Variants in UTP25 observed in about 807,000 individuals in gnomAD.
UTP25 encodes the protein U3 small nucleolar RNA-associated protein 25 homolog.
Under a neutral mutation model 78.9 loss-of-function variants are expected in UTP25, and 50 were observed. The observed-to-expected ratio is 0.63, with a 90% confidence interval of 0.50 to 0.80. The LOEUF (loss-of-function observed/expected upper bound fraction) is 0.80, where lower values mean the gene tolerates loss of function less well. Among genes scored for constraint, UTP25 ranks in the 30% least tolerant of loss-of-function variants. UTP25 has a pLI of 0.00. For missense variants in UTP25, 846 were observed against 911.3 expected (o/e 0.93, Z 0.92); for synonymous variants, 329 against 336.5 (o/e 0.98, Z 0.24).
chr1:209,849,659 C>T (rs1357905649), intron 11 of UTP25, among the ~76,000 whole-genome samples: 1 of 152,164 alleles, frequency 6.6e-6, no homozygotes, highest in South Asian at 2.1e-4. Context: ...TTCTCCAGGG[C>T]TCCCAGTGCA....
chr1:209,846,101 C>T (rs1484077059), intron 11 of UTP25, among the ~76,000 whole-genome samples: 2 of 152,088 alleles, frequency 1.3e-5, no homozygotes, highest in African/African-American at 4.8e-5. Flanking sequence ...GTGATCTGCG[C>T]ACTTCAGCCT....
intron 8 of UTP25, among the ~76,000 whole-genome samples, 199 bp downstream of exon 8, chr1:209,841,254 T>C (rs2078165665): frequency 6.6e-6 from 1 of 152,228 alleles, no homozygotes; most frequent in Admixed American, 6.5e-5. Flanking sequence ...AATTAAACTG[T>C]CTACAGATTA....
Position 209,829,064 on chromosome 1 carries a change from G to A in UTP25, c.107+894G>A, listed in dbSNP as rs372313267. Among the ~76,000 whole-genome samples, 120 of 152,226 alleles carry A rather than the reference G, an allele frequency of 7.9e-4. 3 individuals are homozygous for A. The South Asian group carries it at 0.024, about 30-fold the overall frequency. Reference sequence around the variant, plus strand: ...GCTGGAATTACAGGCGTGAACCACCGCGCTTGGCCTGTTTTTATAATTATT... The same window carrying A: ...GCTGGAATTACAGGCGTGAACCACCACGCTTGGCCTGTTTTTATAATTATT... On this transcript the variant is annotated intron_variant, in intron 1 of 11. Coordinates refer to ENST00000491415, the MANE Select transcript of UTP25 (RefSeq NM_014388.7).
chr1:209,837,427 C>G (rs1332262530), intron 6 of UTP25, among the ~76,000 whole-genome samples: 2 of 152,126 alleles, frequency 1.3e-5, no homozygotes, highest in Non-Finnish European at 1.5e-5. Flanking sequence ...TGGAAACTTG[C>G]GAGAAGGAGG....
chr1:209,841,431 T>C (rs2078166558), intron 8 of UTP25, among the ~76,000 whole-genome samples: 1 of 152,220 alleles, frequency 6.6e-6, no homozygotes, highest in Non-Finnish European at 1.5e-5. Flanking sequence ...TGGTTTTTGC[T>C]TATGCTGTTT....
rs773290046 is a variant in UTP25 at position 209,833,350 on chromosome 1, C to A, written c.554C>A (p.Ala185Asp). 4.5e-6 allele frequency: 7 copies of A among 1,571,120 alleles called. No individual in the cohort carries two copies. The highest frequency in any genetic ancestry group is 3.4e-4 in the Middle Eastern group (2 of 5,864). ...AGTGGAGACAACTCTTCTTTGAAAG[C>A]CTCTCAAGGTCATAGCACAGTGTGT... ...EESGDNSSLK[A>D]SQDPFLQHVN... The change falls in exon 4 of 12, where the codon GCC becomes GAC. Residue 185 changes from alanine (A) to aspartate (D), a missense_variant. By Grantham distance (126) the Ala-to-Asp change is moderately radical. Transcript: ENST00000491415.
intron 9 of UTP25, 39 bp from the exon 10 acceptor site, chr1:209,842,544 G>A (rs1271210149): frequency 2.5e-6 from 4 of 1,611,044 alleles, no homozygotes; most frequent in Admixed American, 3.3e-5. Flanking sequence ...TCAAGAAGGG[G>A]ATGGCTGTCC....
rs372023829 is a variant in UTP25 at position 209,851,586 on chromosome 1, T to C, written c.*139T>C. 1.7e-6 allele frequency: 2 copies of C among 1,149,020 alleles called. No individual in the cohort carries two copies. The highest frequency in any genetic ancestry group is 2.7e-5 in the East Asian group (1 of 37,176). The allele number at this position is 1,149,020 out of a possible 1,614,324, so 71.2% of individuals were successfully genotyped here. On this transcript the variant is annotated 3_prime_UTR_variant, in exon 12 of 12. Coordinates refer to ENST00000491415, the MANE Select transcript of UTP25 (RefSeq NM_014388.7). ...GAGGCAATGTCAGTATTATCTGACA[T>C]CTTTCTTTTCAGGTCATGTGTCCCT...
At chr1:209,834,845 G>A (rs897163559) in intron 4 of UTP25, among the ~76,000 whole-genome samples, 2 of 152,168 alleles carry the variant, frequency 1.3e-5, no homozygotes, top group African/African-American at 4.8e-5. Context: ...TCCAGGCTGA[G>A]AAGTTTCTTC....
rs1391847012 is a variant in UTP25 at position 209,851,751 on chromosome 1, T to A, written c.*304T>A. ...TGAGACATAAATTCTTTTATTACGA[T>A]TTACCTCTAATTTATTACACTTAGT... On this transcript the variant is annotated 3_prime_UTR_variant, in exon 12 of 12. Transcript: ENST00000491415. 3 of 233,280 alleles carry A rather than the reference T, an allele frequency of 1.3e-5. No homozygotes were observed. The Admixed American group carries it at 1.5e-4, about 12-fold the overall frequency. The allele number at this position is 233,280 out of a possible 1,614,324, so 14.5% of individuals were successfully genotyped here.
chr1:209,841,590 T>C (rs991525563), intron 8 of UTP25, among the ~76,000 whole-genome samples: 1 of 152,200 alleles, frequency 6.6e-6, no homozygotes, highest in Non-Finnish European at 1.5e-5. Flanking sequence ...TGCAGTGTTA[T>C]CAGTTTTAGG....
rs761960695 is a variant in UTP25, at chr1:209,839,074, C to G, written c.1228C>G (p.Pro410Ala). 1.9e-6 allele frequency: 3 copies of G among 1,613,966 alleles called. No individual in the cohort carries two copies. The highest frequency in any genetic ancestry group is 2.5e-6 in the Non-Finnish European group (3 of 1,179,910). The change falls in exon 7 of 12, where the codon CCT (proline) becomes GCT (alanine). Residue 410 changes from proline to alanine, a missense_variant. Physicochemically the swap from Pro to Ala is conservative, Grantham distance 27. Transcript: ENST00000491415. ...PEERPPNLKR[P>A]EDYEAVFVGN... ...GGAGAGACCACCCAACTTGAAGAGG[C>G]CTGAGGATTATGAAGCCGTATTTGT...
Position 209,853,827 on chromosome 1 carries a change from A to G in UTP25, c.*2380A>G, listed in dbSNP as rs968157476. On this transcript the variant is annotated 3_prime_UTR_variant, in exon 12 of 12. Coordinates refer to ENST00000491415, the MANE Select transcript of UTP25 (RefSeq NM_014388.7). ...CCATGATGTAGCCCCAGAAATAACC[A>G]TTTTATTAAGCACCCCTAGTGATTT... 1 of 152,166 alleles carries G rather than the reference A, an allele frequency of 6.6e-6. No individual in the cohort carries two copies. Among genetic ancestry groups the G allele is most frequent in the African/African-American group, 2.4e-5 (1 of 41,426 alleles). The allele number at this position is 152,166 out of a possible 1,614,324, so 9.4% of individuals were successfully genotyped here.
rs753530940 is a variant in UTP25 at position 209,828,147 on chromosome 1, C to T, written c.84C>T (p.Gly28=). 2 of 1,613,970 alleles carry T rather than the reference C, an allele frequency of 1.2e-6. No individual in the cohort carries two copies. Among genetic ancestry groups the T allele is most frequent in the African/African-American group, 2.7e-5 (2 of 74,934 alleles). The part of the protein sequence containing the change: ...KKQKKHLRDF[G]EEHPFYDRVS... ...AGAAGAAACATCTTCGAGATTTCGGCGAGGAGCATCCCTTCTATGACAGGT... is the reference window on the plus strand; with the variant it reads ...AGAAGAAACATCTTCGAGATTTCGGTGAGGAGCATCCCTTCTATGACAGGT... Residue 28 remains glycine (G), a synonymous_variant, in exon 1 of 12, where the codon GGC becomes GGT. Transcript: ENST00000491415.
rs547151794 is a variant in UTP25 at position 209,828,212 on chromosome 1, T to C, written c.107+42T>C. 4 of 1,492,640 alleles carry C rather than the reference T, an allele frequency of 2.7e-6. No homozygotes were observed. The African/African-American group carries it at 4.1e-5, about 15-fold the overall frequency. 92.5% of individuals were successfully genotyped at this position (1,492,640 alleles called of 1,614,324 possible). ...CAGGGCTCCCCAGTCGCCAGAGATG[T>C]ATCCTCGAGTTTGGTCCTCTGGTCT... On this transcript the variant is annotated intron_variant, in intron 1 of 11. Transcript: ENST00000491415.
chr1:209,838,131 A>G (rs1410217403), intron 6 of UTP25, among the ~76,000 whole-genome samples: 1 of 152,226 alleles, frequency 6.6e-6, no homozygotes, highest in African/African-American at 2.4e-5. Context: ...CATCAGGGTT[A>G]TAAGGTTGTT....
chr1:209,852,093 CAA>C lies in UTP25; in HGVS notation c.*647_*648del, dbSNP rs1464181629. 6.6e-6 allele frequency: 1 copy of C among 152,178 alleles called. No individual in the cohort carries two copies. The highest frequency in any genetic ancestry group is 1.5e-5 in the Non-Finnish European group (1 of 68,030). 9.4% of individuals were successfully genotyped at this position (152,178 alleles called of 1,614,324 possible). ...TTTAAAAAACACATCAGCTCTGTCT[CAA>C]GAAGTAATTTTGTTGAAACTCCATG... On this transcript the variant is annotated 3_prime_UTR_variant, in exon 12 of 12. Transcript: ENST00000491415.
Position 209,835,070 on chromosome 1 carries a change from A to T in UTP25, c.563-5A>T. On this transcript the variant is annotated splice_polypyrimidine_tract_variant and splice_region_variant and intron_variant, in intron 4 of 11. Transcript: ENST00000491415. ...GTGTGCTGACATTTTTTATTTCTGA[A>T]TTAGATCCATTTCTTCAACATGTGA... The T allele has an allele frequency of 6.2e-7, 1 of 1,612,058 alleles. No homozygotes were observed. Among genetic ancestry groups the T allele is most frequent in the South Asian group, 1.1e-5 (1 of 90,896 alleles).
chr1:209,840,952 GAGA>G lies in UTP25; in HGVS notation c.1385_1387del (p.Glu462del). ...CTGGGCTTGAGGACCATCATTGGTG[GAGA>G]AGGAGAGAAGAAGAGAGATTTTGAC... On this transcript the variant is annotated inframe_deletion, in exon 8 of 12. Coordinates refer to ENST00000491415, the MANE Select transcript of UTP25 (RefSeq NM_014388.7). The G allele has an allele frequency of 6.2e-7, 1 of 1,614,078 alleles. No homozygotes were observed. The highest frequency in any genetic ancestry group is 8.5e-7 in the Non-Finnish European group (1 of 1,179,980).
Sources: gnomAD v4.1 joint callset for allele counts (sites outside exome capture counted in the v4.1 genomes callset) on GRCh38, gnomAD v4.1.1 for gene constraint, MANE v1.5 for transcripts, NCBI Gene and HGNC (gene_info 2026-07-23, HGNC 2026-07-21) for gene names.